ADCY5: variants seen among roughly 807,000 people sequenced by gnomAD.
ADCY5 encodes adenylate cyclase type 5.
A neutral mutation model predicts 119.7 loss-of-function variants in ADCY5; 30 were observed. That is an observed-to-expected ratio of 0.25 (90% CI 0.19 to 0.34). The LOEUF (loss-of-function observed/expected upper bound fraction) is 0.34, where lower values mean the gene tolerates loss of function less well. Ranked by LOEUF, ADCY5 falls within the 10% of genes least tolerant of loss-of-function variation. The pLI, the probability that ADCY5 is intolerant of heterozygous loss-of-function variation, is 1.00. For synonymous variants in ADCY5, 753 were observed against 762.2 expected, an observed-to-expected ratio of 0.99 and a Z score of 0.20; for missense variants, 1,324 against 1,775.2, an observed-to-expected ratio of 0.75 and a Z score of 4.57.
intron 8 of ADCY5, among the ~76,000 whole-genome samples, chr3:123,321,807 T>C (rs531484502): frequency 1.3e-5 from 2 of 152,260 alleles, no homozygotes; most frequent in East Asian, 1.9e-4. Context: ...GGCACTAAAA[T>C]AGACATGGGG....
At chr3:123,381,931 C>T (rs993780195) in intron 1 of ADCY5, among the ~76,000 whole-genome samples, 2 of 152,218 alleles carry the variant, frequency 1.3e-5, no homozygotes, top group African/African-American at 2.4e-5. Context: ...TGCAATAGCT[C>T]CCTTCTCACT....
chr3:123,325,584 C>T, intron 7 of ADCY5, 122 bp from the exon 8 acceptor site: 1 of 1,308,296 alleles, frequency 7.6e-7, no homozygotes, highest in Non-Finnish European at 1.1e-6. Flanking sequence ...CCTCTCTGCA[C>T]AGCCCTGGAG....
At chr3:123,443,147 A>G (rs1945751601) in intron 1 of ADCY5, among the ~76,000 whole-genome samples, 1 of 152,166 alleles carries the variant, frequency 6.6e-6, no homozygotes, top group Non-Finnish European at 1.5e-5. Flanking sequence ...GTTCCAGAGC[A>G]AGGTGGCAGC....
intron 1 of ADCY5, among the ~76,000 whole-genome samples, chr3:123,440,524 A>G (rs1945705080): frequency 6.8e-6 from 1 of 147,208 alleles, no homozygotes; most frequent in Admixed American, 6.9e-5. Flanking sequence ...CCCCACTTCC[A>G]AGTCCTTACC....
At chr3:123,350,119 A>ATCACCCTCCTCCTCCGCTGCTCC (rs1942762680) in intron 2 of ADCY5, among the ~76,000 whole-genome samples, 1 of 152,134 alleles carries the variant, frequency 6.6e-6, no homozygotes, top group Non-Finnish European at 1.5e-5. Flanking sequence ...CTCAGCTGGC[A>ATCACCCTCCTCCTCCGCTGCTCC]TCACCCTCCT....
intron 2 of ADCY5, among the ~76,000 whole-genome samples, chr3:123,348,508 A>T (rs1294273015): frequency 1.3e-5 from 2 of 152,116 alleles, no homozygotes; most frequent in African/African-American, 4.8e-5. Flanking sequence ...CCTGATCTCC[A>T]CTGGAGTAGT....
intron 1 of ADCY5, among the ~76,000 whole-genome samples, chr3:123,385,313 A>T (rs973865516): frequency 6.6e-6 from 1 of 151,994 alleles, no homozygotes; most frequent in African/African-American, 2.4e-5. Flanking sequence ...ACACACACGC[A>T]CGCACGACCA....
intron 1 of ADCY5, among the ~76,000 whole-genome samples, chr3:123,423,065 G>A (rs924108959): frequency 6.6e-6 from 1 of 152,166 alleles, no homozygotes. Flanking sequence ...GAGCCACCCT[G>A]GCCCCGGGCT....
Position 123,327,763 on chromosome 3 carries a change from CA to C in ADCY5, c.1806-5del, listed in dbSNP as rs1208754614. The C allele has an allele frequency of 1.9e-5, 31 of 1,613,986 alleles. No homozygotes were observed. Among genetic ancestry groups the C allele is most frequent in the Non-Finnish European group, 2.6e-5 (31 of 1,179,934 alleles). On this transcript the variant is annotated splice_polypyrimidine_tract_variant and splice_region_variant and intron_variant, in intron 6 of 20. Transcript: ENST00000462833. ...AGCCTTGGTGATGTGGATGCGTCTA[CA>C]GGGGGGCAGGGATCAGGGTGGAGAG...
At chr3:123,422,660 C>T (rs559661209) in intron 1 of ADCY5, among the ~76,000 whole-genome samples, 175 of 152,274 alleles carry the variant, frequency 1.1e-3, no homozygotes, top group African/African-American at 4.1e-3. Flanking sequence ...GCTGCGAATC[C>T]CCCTCCTCAA....
intron 17 of ADCY5, among the ~76,000 whole-genome samples, chr3:123,293,803 CACGTTTCCACGT>C (rs745969145): frequency 5.3e-4 from 80 of 152,170 alleles, no homozygotes; most frequent in Non-Finnish European, 7.9e-4. Flanking sequence ...CATGTATACA[CACGTTTCCACGT>C]ACGTTTCCAC....
chr3:123,330,845 AC>A (rs777753799), intron 5 of ADCY5, 43 bp downstream of exon 5: 2 of 1,562,066 alleles, frequency 1.3e-6, no homozygotes, highest in Non-Finnish European at 1.7e-6. Flanking sequence ...CGGGCTGTGG[AC>A]AGTCCCAGGG....
chr3:123,360,431 T>A (rs905462383), intron 1 of ADCY5, among the ~76,000 whole-genome samples: 14 of 152,180 alleles, frequency 9.2e-5, no homozygotes, highest in Non-Finnish European at 1.6e-4. Flanking sequence ...CTCCAGCCTC[T>A]GTAAACACCA....
intron 17 of ADCY5, among the ~76,000 whole-genome samples, chr3:123,292,560 C>T (rs909030302): frequency 1.3e-5 from 2 of 152,148 alleles, no homozygotes; most frequent in Admixed American, 1.3e-4. Context: ...CACAGAGGCA[C>T]GGGGAGCCAG....
intron 13 of ADCY5, 51 bp downstream of exon 13, chr3:123,304,016 G>A (rs1392506155): frequency 3.9e-6 from 5 of 1,297,312 alleles, no homozygotes; most frequent in Non-Finnish European, 5.6e-6. Flanking sequence ...GCTCCACTGG[G>A]TTTGATCCAA....
intron 11 of ADCY5, among the ~76,000 whole-genome samples, chr3:123,316,232 A>G (rs1343115347): frequency 6.6e-6 from 1 of 152,110 alleles, no homozygotes; most frequent in Non-Finnish European, 1.5e-5. Flanking sequence ...GACACACCCA[A>G]ATTGAAACTA....
At chr3:123,347,640 G>T (rs897856762) in intron 3 of ADCY5, 142 bp downstream of exon 3, 2 of 1,085,234 alleles carry the variant, frequency 1.8e-6, no homozygotes, top group Non-Finnish European at 1.4e-6. Flanking sequence ...CTGGAGGGGT[G>T]GGGCTGGCAT....
At chr3:123,424,809 C>T (rs999073915) in intron 1 of ADCY5, among the ~76,000 whole-genome samples, 3 of 152,194 alleles carry the variant, frequency 2.0e-5, no homozygotes, top group Non-Finnish European at 4.4e-5. Context: ...CCCATGTGCC[C>T]ATCTGTCCTG....
At chr3:123,300,383 C>T (rs1939778389) in intron 14 of ADCY5, 88 bp from the exon 15 acceptor site, 1 of 1,424,242 alleles carries the variant, frequency 7.0e-7, no homozygotes, top group South Asian at 1.3e-5. Flanking sequence ...TGAGCTGGCT[C>T]AAGTGAGGCC....
Sources: allele counts gnomAD v4.1 joint callset (sites outside exome capture counted in the v4.1 genomes callset), GRCh38; gene constraint gnomAD v4.1.1; transcripts MANE v1.5; gene names NCBI Gene and HGNC (gene_info 2026-07-23, HGNC 2026-07-21).